Variants in NXPE2 observed in about 807,000 individuals in gnomAD.
NXPE2 encodes neurexophilin and PC-esterase domain family member 2, also known as NXPE family member 2.
A neutral mutation model predicts 34.4 loss-of-function variants in NXPE2; 34 were observed. The ratio of observed to expected loss-of-function variants is 0.99; its 90% CI spans 0.75 to 1.31. The LOEUF (loss-of-function observed/expected upper bound fraction) is 1.31, where lower values mean the gene tolerates loss of function less well. Ranked by LOEUF, NXPE2 falls within the 40% of genes most tolerant of loss-of-function variation. The pLI is 0.00. For synonymous variants in NXPE2, 235 were observed against 231.3 expected, an observed-to-expected ratio of 1.02 and a Z score of -0.15; for missense variants, 649 against 672.5, an observed-to-expected ratio of 0.97 and a Z score of 0.39.
chr11:114,666,705 G>C, the NXPE2 span, among the ~76,000 whole-genome samples: 2 of 151,998 alleles, frequency 1.3e-5, no homozygotes, highest in African/African-American at 4.8e-5. Context: ...AGAGGTATTA[G>C]GGTCTCAAAT....
the NXPE2 span, among the ~76,000 whole-genome samples, chr11:114,640,214 A>G: frequency 1.4e-5 from 2 of 139,510 alleles, no homozygotes; most frequent in Admixed American, 7.6e-5. Context: ...ATATTTTAAA[A>G]TGTAATTTAT....
chr11:114,614,723 G>A, the NXPE2 span, among the ~76,000 whole-genome samples: 1 of 151,694 alleles, frequency 6.6e-6, no homozygotes, highest in South Asian at 2.1e-4. Context: ...AATAAGTGTT[G>A]CCTCCTGCGT....
chr11:114,636,657 G>A, the NXPE2 span, among the ~76,000 whole-genome samples: 121 of 152,056 alleles, frequency 8.0e-4, no homozygotes, highest in African/African-American at 1.4e-3. Flanking sequence ...ATTCTGGTAC[G>A]TTGTGTCTTT....
the NXPE2 span, among the ~76,000 whole-genome samples, chr11:114,589,590 G>A: frequency 6.6e-6 from 1 of 152,054 alleles, no homozygotes; most frequent in Non-Finnish European, 1.5e-5. Context: ...CATACTTATA[G>A]CCCCAGGAAA....
At chr11:114,497,142 C>T in the NXPE2 span, among the ~76,000 whole-genome samples, 3 of 152,112 alleles carry the variant, frequency 2.0e-5, no homozygotes, top group Non-Finnish European at 4.4e-5. Flanking sequence ...GTGCACCTCA[C>T]TGTCAGACAG....
At chr11:114,490,722 A>C in the NXPE2 span, among the ~76,000 whole-genome samples, 3 of 152,360 alleles carry the variant, frequency 2.0e-5, no homozygotes, top group South Asian at 2.1e-4. Flanking sequence ...TAAAGACTTA[A>C]ATGTTAGACC....
At chr11:114,586,105 C>A in the NXPE2 span, among the ~76,000 whole-genome samples, 1 of 152,212 alleles carries the variant, frequency 6.6e-6, no homozygotes, top group East Asian at 1.9e-4. Context: ...ATCTTTTTTG[C>A]CCTGTGTAAA....
rs1446311197 is a variant in NXPE2 at position 114,697,897 on chromosome 11, A to G, written c.133-148A>G. Reference sequence around the variant, plus strand: ...CATACTACATGGAAACCATTTCTGAAGATTCCATAACTGAAAACCAGTTAG... The same window carrying G: ...CATACTACATGGAAACCATTTCTGAGGATTCCATAACTGAAAACCAGTTAG... On this transcript the variant is annotated intron_variant, in intron 2 of 5. Transcript: ENST00000389586. 7 of 754,438 alleles carry G rather than the reference A, an allele frequency of 9.3e-6. No homozygotes were observed. The East Asian group carries it at 1.7e-4, about 19-fold the overall frequency. 46.7% of individuals were successfully genotyped at this position (754,438 alleles called of 1,614,324 possible). A position where few individuals can be genotyped will look rare whatever the true frequency, so the allele number is the denominator to read the frequency against.
the NXPE2 span, among the ~76,000 whole-genome samples, chr11:114,601,471 T>A: frequency 8.2e-6 from 1 of 121,704 alleles, no homozygotes; most frequent in African/African-American, 3.1e-5. Flanking sequence ...TAATATAAAA[T>A]TTATATAAAT....
chr11:114,680,243 A>C (rs1269309809), intron 2 of NXPE2, among the ~76,000 whole-genome samples: 3 of 152,124 alleles, frequency 2.0e-5, no homozygotes, highest in African/African-American at 7.2e-5. Flanking sequence ...AATCTTTCAG[A>C]AACTCTGCTT....
intron 5 of NXPE2, 89 bp downstream of exon 5, chr11:114,706,085 A>ATTTATTTTATTTTAT (rs61693681): frequency 5.6e-4 from 213 of 382,272 alleles, no homozygotes; most frequent in African/African-American, 4.0e-3. Context: ...CTTTTCTAAT[A>ATTTATTTTATTTTAT]TTTATTTTAT....
At chr11:114,780,439 G>A in the NXPE2 span, among the ~76,000 whole-genome samples, 19 of 152,254 alleles carry the variant, frequency 1.2e-4, 1 homozygote, top group Admixed American at 1.2e-3. Context: ...ACAGGAAGGG[G>A]AGGATGTGGT....
intron 4 of NXPE2, among the ~76,000 whole-genome samples, 200 bp downstream of exon 4, chr11:114,704,252 A>G (rs964517993): frequency 6.6e-6 from 1 of 152,234 alleles, no homozygotes; most frequent in Non-Finnish European, 1.5e-5. Flanking sequence ...TTTCATCCCA[A>G]GTCAGATATA....
the NXPE2 span, among the ~76,000 whole-genome samples, chr11:114,629,492 A>T: frequency 1.3e-5 from 2 of 151,418 alleles, no homozygotes; most frequent in Non-Finnish European, 3.0e-5. Flanking sequence ...AAAAACTCTC[A>T]ATAAATTAGG....
chr11:114,612,198 C>A, the NXPE2 span, among the ~76,000 whole-genome samples: 3 of 151,860 alleles, frequency 2.0e-5, no homozygotes, highest in African/African-American at 7.3e-5. Flanking sequence ...ACCACTGTTA[C>A]ACGGTGGAGA....
At chr11:114,808,711 C>T in the NXPE2 span, among the ~76,000 whole-genome samples, 2 of 151,808 alleles carry the variant, frequency 1.3e-5, no homozygotes, top group African/African-American at 4.8e-5. Flanking sequence ...AATAGCTTAC[C>T]ACCAAAAAAA....
At chr11:114,564,907 A>G in the NXPE2 span, among the ~76,000 whole-genome samples, 1 of 152,196 alleles carries the variant, frequency 6.6e-6, no homozygotes, top group Non-Finnish European at 1.5e-5. Flanking sequence ...TCTATACTCT[A>G]TAAAAGATTA....
the NXPE2 span, among the ~76,000 whole-genome samples, chr11:114,467,947 C>T: frequency 2.1e-4 from 32 of 151,296 alleles, 1 homozygote; most frequent in South Asian, 5.3e-3. Context: ...AAAAACAAAA[C>T]GAAACAAAAA....
At chr11:114,600,839 C>A in the NXPE2 span, among the ~76,000 whole-genome samples, 1 of 151,972 alleles carries the variant, frequency 6.6e-6, no homozygotes, top group Non-Finnish European at 1.5e-5. Flanking sequence ...TGAGAATCCT[C>A]TATACTATTT....
Sources: gnomAD v4.1 joint callset for allele counts (sites outside exome capture counted in the v4.1 genomes callset) on GRCh38, gnomAD v4.1.1 for gene constraint, MANE v1.5 for transcripts, NCBI Gene and HGNC (gene_info 2026-07-23, HGNC 2026-07-21) for gene names.